TRIM67: variants seen among roughly 807,000 people sequenced by gnomAD.
TRIM67 encodes tripartite motif-containing protein 67.
In TRIM67, 39 loss-of-function variants were observed where a neutral mutation model predicts 71.0. The ratio of observed to expected loss-of-function variants is 0.55; its 90% CI spans 0.43 to 0.72. TRIM67 has a LOEUF of 0.72. Among genes scored for constraint, TRIM67 ranks in the 30% least tolerant of loss-of-function variants. TRIM67 has a pLI of 0.00. For synonymous variants in TRIM67, 481 were observed against 473.9 expected, an observed-to-expected ratio of 1.01 and a Z score of -0.19; for missense variants, 973 against 1,079.2, an observed-to-expected ratio of 0.90 and a Z score of 1.38.
At chr1:231,173,753 GAT>G (rs1049053438) in intron 1 of TRIM67, among the ~76,000 whole-genome samples, 24 of 152,306 alleles carry the variant, frequency 1.6e-4, no homozygotes, top group African/African-American at 5.8e-4. Context: ...GCTGGGGTGT[GAT>G]GTTTCTTTTC....
At chr1:231,198,431 G>A (rs1288623497) in intron 2 of TRIM67, among the ~76,000 whole-genome samples, 1 of 152,126 alleles carries the variant, frequency 6.6e-6, no homozygotes, top group Non-Finnish European at 1.5e-5. Context: ...CTGTCGCCCA[G>A]GCTATAGTGC....
chr1:231,217,653 A>G lies in TRIM67; in HGVS notation c.*2213A>G. ...GTGGGCTAGGCAGGGCTGCCTGGTG[A>G]CAGCAGCTTCTCACAGGGGAGCCCT... On this transcript the variant is annotated 3_prime_UTR_variant, in exon 10 of 10. Transcript: ENST00000366653. 1 of 1,159,962 alleles carries G rather than the reference A, an allele frequency of 8.6e-7. No homozygotes were observed. The highest frequency in any genetic ancestry group is 1.8e-5 in the South Asian group (1 of 56,868). The allele number at this position is 1,159,962 out of a possible 1,614,324, so 71.9% of individuals were successfully genotyped here.
intron 7 of TRIM67, among the ~76,000 whole-genome samples, chr1:231,207,457 G>C (rs1457724237): frequency 1.3e-5 from 2 of 152,208 alleles, no homozygotes; most frequent in Non-Finnish European, 2.9e-5. Flanking sequence ...TCTTAGCAGA[G>C]AGCAATGAGA....
intron 4 of TRIM67, 68 bp from the exon 5 acceptor site, chr1:231,201,290 T>TCCTC: frequency 5.3e-6 from 8 of 1,515,712 alleles, no homozygotes; most frequent in Non-Finnish European, 7.1e-6. Flanking sequence ...CCCTACCTCT[T>TCCTC]CCTCACCCCT....
Position 231,187,854 on chromosome 1 carries a change from C to T in TRIM67, c.1045-9517C>T, listed in dbSNP as rs1683128703. Among the ~76,000 whole-genome samples the T allele has an allele frequency of 2.6e-5, 4 of 152,180 alleles. No homozygotes were observed. The South Asian group carries it at 8.3e-4, about 32-fold the overall frequency. ...CAGATGCTTGGTTAGGCTGTGGGAACAAGAAAGTAGCTCAGCACTCCAGAC... is the reference window on the plus strand; with the variant it reads ...CAGATGCTTGGTTAGGCTGTGGGAATAAGAAAGTAGCTCAGCACTCCAGAC... On this transcript the variant is annotated intron_variant, in intron 1 of 9. Coordinates refer to ENST00000366653, the MANE Select transcript of TRIM67 (RefSeq NM_001004342.5).
At chr1:231,167,317 G>GTTTTTTTTTTTTTTTT (rs1340006817) in intron 1 of TRIM67, among the ~76,000 whole-genome samples, 1 of 66,770 alleles carries the variant, frequency 1.5e-5, no homozygotes, top group Non-Finnish European at 2.9e-5. Context: ...TCACTCTAAT[G>GTTTTTTTTTTTTTTTT]TCTTTTTTTT....
chr1:231,211,094 A>G (rs1438566355), intron 8 of TRIM67, among the ~76,000 whole-genome samples: 8 of 151,324 alleles, frequency 5.3e-5, no homozygotes. Context: ...GCCTGGGCTT[A>G]GGAAGGTCAG....
chr1:231,212,823 A>G (rs1291894273), intron 8 of TRIM67, among the ~76,000 whole-genome samples: 4 of 152,266 alleles, frequency 2.6e-5, no homozygotes, highest in African/African-American at 9.6e-5. Flanking sequence ...CCTTACTTTT[A>G]TTATAGATTC....
Position 231,163,966 on chromosome 1 carries a change from G to T in TRIM67, c.997G>T (p.Ala333Ser), listed in dbSNP as rs1365077661. The T allele has an allele frequency of 3.2e-6, 5 of 1,582,076 alleles. No homozygotes were observed. The highest frequency in any genetic ancestry group is 4.3e-6 in the Non-Finnish European group (5 of 1,164,274). ...CYLCLEEGRHAKHEVKPLGAM... is the reference protein window; with the variant it reads ...CYLCLEEGRHSKHEVKPLGAM... Reference sequence around the variant, plus strand: ...TCTGTGCCTGGAGGAGGGCCGGCACGCCAAGCACGAGGTGAAGCCGCTGGG... The same window carrying T: ...TCTGTGCCTGGAGGAGGGCCGGCACTCCAAGCACGAGGTGAAGCCGCTGGG... Residue 333 changes from alanine to serine, a missense_variant, in exon 1 of 10, where the codon GCC becomes TCC. By Grantham distance (99) the Ala-to-Ser change is moderately conservative. This residue lies in a region of TRIM67 where 795 missense variants were observed against 831.3 expected (regional missense o/e 0.96). Transcript: ENST00000366653.
intron 1 of TRIM67, among the ~76,000 whole-genome samples, chr1:231,196,198 G>A (rs1045953786): frequency 3.3e-5 from 5 of 152,180 alleles, no homozygotes; most frequent in African/African-American, 4.8e-5. Context: ...ACACAGTGAC[G>A]TCTGAGCAGA....
intron 1 of TRIM67, among the ~76,000 whole-genome samples, chr1:231,188,038 C>G (rs142338549): frequency 1.3e-5 from 2 of 152,308 alleles, no homozygotes; most frequent in East Asian, 3.9e-4. Flanking sequence ...CCCATGCTCT[C>G]CCACTCTCAC....
chr1:231,193,441 C>G (rs370465122), intron 1 of TRIM67, among the ~76,000 whole-genome samples: 1 of 149,676 alleles, frequency 6.7e-6, no homozygotes, highest in Non-Finnish European at 1.5e-5. Context: ...GTGCTCACAG[C>G]CCCCTCTGAT....
intron 1 of TRIM67, among the ~76,000 whole-genome samples, chr1:231,194,667 T>C (rs1033843325): frequency 2.6e-5 from 4 of 152,238 alleles, no homozygotes; most frequent in Non-Finnish European, 4.4e-5. Context: ...AGTAAAACTT[T>C]GTGATTCAGA....
intron 5 of TRIM67, among the ~76,000 whole-genome samples, chr1:231,202,182 G>T: frequency 6.6e-6 from 1 of 152,010 alleles, no homozygotes; most frequent in Non-Finnish European, 1.5e-5. Flanking sequence ...GGAGGAGGTG[G>T]AAGAGGAGGA....
rs146367566 is a variant in TRIM67 at position 231,187,146 on chromosome 1, G to A, written c.1045-10225G>A. ...TGGATCCCTCTTTATATTTCACCTG[G>A]GAAGACAGCGTTTAAGAAGATGAAG... On this transcript the variant is annotated intron_variant, in intron 1 of 9. Transcript: ENST00000366653. Among the ~76,000 whole-genome samples the A allele has an allele frequency of 3.4e-3, 525 of 152,216 alleles. 4 individuals carry two copies. The highest frequency in any genetic ancestry group is 0.012 in the African/African-American group (488 of 41,526).
At chr1:231,203,077 C>T (rs1396000172) in intron 5 of TRIM67, among the ~76,000 whole-genome samples, 1 of 152,226 alleles carries the variant, frequency 6.6e-6, no homozygotes, top group East Asian at 1.9e-4. Flanking sequence ...TCAGCCAGTC[C>T]CGTGCCCAAA....
At position 231,162,617 on chromosome 1, in the gene TRIM67, G is replaced by A; in HGVS notation, c.-353G>A. The A allele has an allele frequency of 3.9e-6, 1 of 259,710 alleles. No individual in the cohort carries two copies. The highest frequency in any genetic ancestry group is 7.3e-6 in the Non-Finnish European group (1 of 136,956). 16.1% of individuals were successfully genotyped at this position (259,710 alleles called of 1,614,324 possible). On this transcript the variant is annotated 5_prime_UTR_variant, in exon 1 of 10. Transcript: ENST00000366653. ...GCTGGTCCTGGGGTGGAGAGGAGGC[G>A]CGCGCTGCAGCCGGCGGCGGCGCTG...
chr1:231,203,328 T>G (rs1683602222), intron 5 of TRIM67, among the ~76,000 whole-genome samples: 1 of 152,246 alleles, frequency 6.6e-6, no homozygotes, highest in Non-Finnish European at 1.5e-5. Context: ...TTCTGTTGCC[T>G]GGATCTTGTT....
chr1:231,214,369 T>G (rs189709605), intron 9 of TRIM67, among the ~76,000 whole-genome samples: 1 of 151,688 alleles, frequency 6.6e-6, no homozygotes, highest in East Asian at 1.9e-4. Context: ...GGAGTTGGAG[T>G]GTGGGGAGCA....
Sources: gnomAD v4.1 joint callset for allele counts (sites outside exome capture counted in the v4.1 genomes callset) on GRCh38, gnomAD v4.1.1 for gene constraint, gnomAD v4.1.1 regional missense constraint, MANE v1.5 for transcripts, NCBI Gene and HGNC (gene_info 2026-07-23, HGNC 2026-07-21) for gene names.